The following NDUFV2 variants were observed in gnomAD, a reference collection of about 807,000 sequenced individuals.
NDUFV2 encodes NADH:ubiquinone oxidoreductase core subunit V2.
Under a neutral mutation model 31.6 loss-of-function variants are expected in NDUFV2, and 18 were observed. That is an observed-to-expected ratio of 0.57 (90% CI 0.39 to 0.84). The LOEUF is 0.84. NDUFV2 is among the 40% of genes least tolerant of loss of function. The pLI is 0.00. For synonymous variants in NDUFV2, 83 were observed against 99.8 expected (o/e 0.83, Z 1.01); for missense variants, 314 against 303.6 (o/e 1.03, Z -0.26).
At chr18:9,117,596 G>C (rs1344810751) in intron 1 of NDUFV2, 3 of 461,446 alleles carry the variant, frequency 6.5e-6, no homozygotes, top group Non-Finnish European at 7.9e-6. Context: ...CAGCAGATCT[G>C]GGTTGTCCTG....
chr18:9,105,951 A>T (rs917889938), intron 1 of NDUFV2, among the ~76,000 whole-genome samples: 2 of 152,038 alleles, frequency 1.3e-5, no homozygotes, highest in African/African-American at 4.8e-5. Flanking sequence ...CATATGTTGA[A>T]CAATTTTGGA....
intron 1 of NDUFV2, among the ~76,000 whole-genome samples, chr18:9,107,484 A>G (rs1352410091): frequency 6.6e-6 from 1 of 152,230 alleles, no homozygotes; most frequent in Admixed American, 6.5e-5. Context: ...CATCAAAGAC[A>G]GTTTACACAC....
chr18:9,106,821 T>C (rs1245645875), intron 1 of NDUFV2, among the ~76,000 whole-genome samples: 2 of 152,188 alleles, frequency 1.3e-5, no homozygotes, highest in Non-Finnish European at 2.9e-5. Context: ...TTCTTGGCTT[T>C]TCCAGCTTCT....
intron 7 of NDUFV2, among the ~76,000 whole-genome samples, chr18:9,129,043 T>A (rs1483921929): frequency 6.6e-6 from 1 of 152,184 alleles, no homozygotes; most frequent in Non-Finnish European, 1.5e-5. Context: ...GCTCAAGCGA[T>A]TCTCCTGCCT....
At chr18:9,123,519 C>CT (rs1319664988) in intron 5 of NDUFV2, among the ~76,000 whole-genome samples, 3 of 151,642 alleles carry the variant, frequency 2.0e-5, no homozygotes, top group Non-Finnish European at 4.4e-5. Context: ...TGAGGTCTCA[C>CT]TTTGTCACCA....
chr18:9,104,973 T>C (rs370390059), intron 1 of NDUFV2: 106 of 1,556,728 alleles, frequency 6.8e-5, no homozygotes, highest in Non-Finnish European at 8.3e-5. Context: ...TCTACAAAAA[T>C]GGAAAGGTAT....
chr18:9,114,096 C>T (rs1240673746), intron 1 of NDUFV2, among the ~76,000 whole-genome samples: 1 of 151,702 alleles, frequency 6.6e-6, no homozygotes, highest in African/African-American at 2.4e-5. Context: ...AAAAGATGGT[C>T]TTAAACAAAA....
chr18:9,102,775 C>G lies in NDUFV2; in HGVS notation c.32C>G (p.Ala11Gly), dbSNP rs766190286. ...TTCTCCGCGGCGCTCCGGGCCCGGG[C>G]GGCTGGCCTCACCGCCCACTGGGTA... The part of the protein sequence containing the change: MFFSAALRAR[A>G]AGLTAHWGRH... The change falls in exon 1 of 8, where the codon GCG (alanine) becomes GGG (glycine). Residue 11 changes from alanine to glycine, a missense_variant. By Grantham distance (60) the Ala-to-Gly change is moderately conservative. Coordinates refer to ENST00000318388, the MANE Select transcript of NDUFV2 (RefSeq NM_021074.5). 3.2e-6 allele frequency: 5 copies of G among 1,581,462 alleles called. No homozygotes were observed. The highest frequency in any genetic ancestry group is 8.6e-7 in the Non-Finnish European group (1 of 1,166,064).
chr18:9,124,889 A>G lies in NDUFV2; in HGVS notation c.485A>G (p.Glu162Gly). 1.2e-6 allele frequency: 2 copies of G among 1,611,682 alleles called. 1 individual carries two copies. The highest frequency in any genetic ancestry group is 1.7e-6 in the Non-Finnish European group (2 of 1,179,126). ...GTATTTTTAGGAATAAAGGTTGGGG[A>G]GACTACACCTGACAAACTTTTCACT... ...IQKKLGIKVGETTPDKLFTLI... is the reference protein window; with the variant it reads ...IQKKLGIKVGGTTPDKLFTLI... The change falls in exon 6 of 8, where the codon GAG (glutamate) becomes GGG (glycine). Residue 162 changes from glutamate (E) to glycine (G), a missense_variant. By Grantham distance (98) the Glu-to-Gly change is moderately conservative. Transcript: ENST00000318388.
chr18:9,106,158 T>A (rs774406789), intron 1 of NDUFV2, among the ~76,000 whole-genome samples: 1 of 152,190 alleles, frequency 6.6e-6, no homozygotes, highest in African/African-American at 2.4e-5. Context: ...GAGATTTCCG[T>A]AGAATTTATA....
intron 1 of NDUFV2, among the ~76,000 whole-genome samples, chr18:9,117,126 T>C (rs1177012816): frequency 1.3e-5 from 2 of 151,712 alleles, no homozygotes; most frequent in African/African-American, 4.8e-5. Context: ...AACCTCTGCC[T>C]CCCAGGTTCA....
chr18:9,122,471 A>G (rs1568192857), intron 4 of NDUFV2, 42 bp from the exon 5 acceptor site: 1 of 1,494,408 alleles, frequency 6.7e-7, no homozygotes, highest in Non-Finnish European at 9.3e-7. Flanking sequence ...CTCCATTACT[A>G]ACACTGTAAT....
Position 9,119,531 on chromosome 18 carries a change from C to G in NDUFV2, c.241C>G (p.Pro81Ala), listed in dbSNP as rs1392227390. The change falls in exon 4 of 8, where the codon CCA becomes GCA. Residue 81 changes from proline to alanine, a missense_variant. Coordinates refer to ENST00000318388, the MANE Select transcript of NDUFV2 (RefSeq NM_021074.5). ...PEGHKAAAVLPVLDLAQRQNG... is the reference protein window; with the variant it reads ...PEGHKAAAVLAVLDLAQRQNG... Reference sequence around the variant, plus strand: ...AGGCCATAAAGCAGCAGCTGTTCTTCCAGTCCTGGATTTAGCCCAAAGGCA... The same window carrying G: ...AGGCCATAAAGCAGCAGCTGTTCTTGCAGTCCTGGATTTAGCCCAAAGGCA... 1.9e-6 allele frequency: 3 copies of G among 1,613,900 alleles called. No homozygotes were observed. The highest frequency in any genetic ancestry group is 3.3e-4 in the Middle Eastern group (2 of 5,996).
intron 5 of NDUFV2, among the ~76,000 whole-genome samples, 153 bp from the exon 6 acceptor site, chr18:9,124,721 T>C (rs893367436): frequency 6.6e-6 from 1 of 152,116 alleles, no homozygotes; most frequent in African/African-American, 2.4e-5. Flanking sequence ...GTGCTGGGAT[T>C]ACAGGCGTGA....
chr18:9,118,197 G>T (rs529698426), intron 2 of NDUFV2, among the ~76,000 whole-genome samples: 10 of 152,248 alleles, frequency 6.6e-5, no homozygotes, highest in African/African-American at 2.4e-4. Flanking sequence ...AGTCATGTTG[G>T]CTTACTGAGA....
chr18:9,104,335 A>G, intron 1 of NDUFV2: 1 of 1,560,808 alleles, frequency 6.4e-7, no homozygotes, highest in Non-Finnish European at 8.7e-7. Flanking sequence ...AGTCAGTGAA[A>G]GGTTTTAAAG....
intron 5 of NDUFV2, 110 bp from the exon 6 acceptor site, chr18:9,124,764 A>T (rs1598349633): frequency 8.5e-7 from 1 of 1,173,954 alleles, no homozygotes; most frequent in Non-Finnish European, 1.2e-6. Flanking sequence ...TAAAAAACTT[A>T]ATAGTCTTAA....
chr18:9,105,649 G>A (rs920007165), intron 1 of NDUFV2, among the ~76,000 whole-genome samples: 10 of 152,168 alleles, frequency 6.6e-5, no homozygotes, highest in Non-Finnish European at 1.5e-4. Flanking sequence ...ATGACATCCT[G>A]ATTAAACCCA....
intron 2 of NDUFV2, among the ~76,000 whole-genome samples, 166 bp from the exon 3 acceptor site, chr18:9,119,160 T>C (rs1016025861): frequency 6.6e-6 from 1 of 152,162 alleles, no homozygotes; most frequent in Non-Finnish European, 1.5e-5. Context: ...ATCATACTTA[T>C]CAAATGTGTG....
Sources: allele counts gnomAD v4.1 joint callset (sites outside exome capture counted in the v4.1 genomes callset), GRCh38; gene constraint gnomAD v4.1.1; transcripts MANE v1.5; gene names NCBI Gene and HGNC (gene_info 2026-07-23, HGNC 2026-07-21).